ZBTB20: variants seen among roughly 807,000 people sequenced by gnomAD.
The protein encoded by ZBTB20 is zinc finger and BTB domain containing 20, also known as zinc finger and BTB domain-containing protein 20.
A neutral mutation model predicts 56.9 loss-of-function variants in ZBTB20; 9 were observed. The observed-to-expected ratio is 0.16, with a 90% CI of 0.10 to 0.28. The LOEUF (loss-of-function observed/expected upper bound fraction) is 0.28. Ranked by LOEUF, ZBTB20 falls within the 10% of genes least tolerant of loss-of-function variation. The probability of loss-of-function intolerance (pLI) is 1.00; values close to 1 mark genes in which losing one functional copy is unlikely to be tolerated. For missense variants in ZBTB20, 655 were observed against 1,003.0 expected (o/e 0.65, Z 4.69); for synonymous variants, 417 against 420.7 (o/e 0.99, Z 0.11).
intron 5 of ZBTB20, among the ~76,000 whole-genome samples, chr3:114,770,785 G>A (rs1375652738): frequency 2.0e-5 from 3 of 152,162 alleles, no homozygotes; most frequent in African/African-American, 4.8e-5. Flanking sequence ...ATATCTGGGA[G>A]CAGAAGTATT....
chr3:115,100,349 G>C (rs1466506915), intron 1 of ZBTB20: 1 of 151,924 alleles, frequency 6.6e-6, no homozygotes, highest in Non-Finnish European at 1.5e-5. Context: ...GAGAGAGAGA[G>C]AGCAAGAGAG....
chr3:114,316,526 A>G lies in ZBTB20; in HGVS notation c.*22479T>C, dbSNP rs1185841061. 1 of 533,348 alleles carries G rather than the reference A, an allele frequency of 1.9e-6. No homozygotes were observed. The highest frequency in any genetic ancestry group is 3.9e-6 in the Non-Finnish European group (1 of 259,708). 33.0% of individuals were successfully genotyped at this position (533,348 alleles called of 1,614,324 possible). A position where few individuals can be genotyped will look rare whatever the true frequency, so the allele number is the denominator to read the frequency against. Reference sequence around the variant, plus strand: ...ATATACACTATATATATGTGGATACATATAGGAAGTGTGTATACATTTATA... The same window carrying G: ...ATATACACTATATATATGTGGATACGTATAGGAAGTGTGTATACATTTATA... On this transcript the variant is annotated 3_prime_UTR_variant, in exon 12 of 12. Coordinates refer to ENST00000675478, the MANE Select transcript of ZBTB20 (RefSeq NM_001348800.3).
intron 4 of ZBTB20, among the ~76,000 whole-genome samples, chr3:114,820,459 A>C (rs1295972674): frequency 6.6e-6 from 1 of 152,090 alleles, no homozygotes; most frequent in African/African-American, 2.4e-5. Flanking sequence ...GCAAATACTT[A>C]GAATTGTTTA....
At position 114,832,280 on chromosome 3, in the gene ZBTB20, AT is replaced by A. The variant is rs753658383; in HGVS notation, c.-416-31107del. On this transcript the variant is annotated intron_variant, in intron 4 of 11. Coordinates refer to ENST00000675478, the MANE Select transcript of ZBTB20 (RefSeq NM_001348800.3). ...GGAATACCAGGTTGATACAACAGTC[AT>A]TTTTTTTCAACAGAAGTGCAGGTTG... Among the ~76,000 whole-genome samples, 333 of 151,904 alleles carry A rather than the reference AT, an allele frequency of 2.2e-3. 1 individual carries two copies. The highest frequency in any genetic ancestry group is 0.014 in the South Asian group (67 of 4,790).
intron 3 of ZBTB20, among the ~76,000 whole-genome samples, chr3:114,955,057 G>T (rs1031688658): frequency 3.3e-5 from 5 of 152,182 alleles, no homozygotes; most frequent in African/African-American, 1.2e-4. Context: ...CAAAGAGCAG[G>T]TGAATCCTGA....
chr3:114,650,927 T>G (rs2060096289), intron 6 of ZBTB20, among the ~76,000 whole-genome samples: 2 of 152,048 alleles, frequency 1.3e-5, no homozygotes, highest in Admixed American at 6.5e-5. Flanking sequence ...TTTATCATTT[T>G]GATAAAACTG....
intron 10 of ZBTB20, among the ~76,000 whole-genome samples, chr3:114,377,093 T>G (rs545693285): frequency 2.0e-5 from 3 of 152,340 alleles, no homozygotes; most frequent in African/African-American, 7.2e-5. Context: ...AAGGGAGCAC[T>G]TGGCTCAGCT....
chr3:114,630,778 A>G (rs1378489519), intron 6 of ZBTB20, among the ~76,000 whole-genome samples: 1 of 152,160 alleles, frequency 6.6e-6, no homozygotes, highest in Non-Finnish European at 1.5e-5. Context: ...AAGAATCCAG[A>G]TACATTTTTG....
chr3:114,996,063 ATAAAG>A (rs1188813047), intron 2 of ZBTB20, among the ~76,000 whole-genome samples: 1 of 151,890 alleles, frequency 6.6e-6, no homozygotes. Context: ...AGCTACAATA[ATAAAG>A]TAAATAAGAT....
chr3:115,133,149 C>G (rs1444601907), intron 1 of ZBTB20, among the ~76,000 whole-genome samples: 1 of 152,142 alleles, frequency 6.6e-6, no homozygotes, highest in Non-Finnish European at 1.5e-5. Flanking sequence ...GTGACAACAT[C>G]TGGTCAAATT....
chr3:114,807,783 C>T (rs1382386074), intron 4 of ZBTB20, among the ~76,000 whole-genome samples: 2 of 151,992 alleles, frequency 1.3e-5, no homozygotes, highest in Non-Finnish European at 2.9e-5. Context: ...TATTAATATG[C>T]TATATTGCAT....
chr3:114,708,057 T>C (rs781510580), intron 5 of ZBTB20, among the ~76,000 whole-genome samples: 1 of 149,650 alleles, frequency 6.7e-6, no homozygotes, highest in Non-Finnish European at 1.5e-5. Flanking sequence ...AGAGGTAAGG[T>C]TTTTTCTTTC....
At chr3:114,576,176 G>A (rs1330033660) in intron 6 of ZBTB20, among the ~76,000 whole-genome samples, 1 of 151,906 alleles carries the variant, frequency 6.6e-6, no homozygotes, top group Non-Finnish European at 1.5e-5. Flanking sequence ...CAGAATACTC[G>A]ACTACTCTGG....
intron 11 of ZBTB20, among the ~76,000 whole-genome samples, chr3:114,348,137 T>C (rs987651811): frequency 2.0e-5 from 3 of 152,226 alleles, no homozygotes; most frequent in African/African-American, 4.8e-5. Context: ...TATTTTATTA[T>C]GTGATCTAAC....
At chr3:114,390,395 C>A (rs2085728692) in intron 7 of ZBTB20, among the ~76,000 whole-genome samples, 1 of 152,106 alleles carries the variant, frequency 6.6e-6, no homozygotes, top group African/African-American at 2.4e-5. Context: ...CTAGTGACAC[C>A]CATTGATCTG....
At position 114,619,676 on chromosome 3, in the gene ZBTB20, C is replaced by T. The variant is rs572881615; in HGVS notation, c.-295+73852G>A. The stretch of plus-strand genomic sequence containing the variant: ...CTGAAGAAGGCTTAGTGTGCTGCAG[C>T]TTAATGAATGAAACAGCACTAAGTG... On this transcript the variant is annotated intron_variant, in intron 6 of 11. Coordinates refer to ENST00000675478, the MANE Select transcript of ZBTB20 (RefSeq NM_001348800.3). 9.3e-4 allele frequency among the ~76,000 whole-genome samples: 141 copies of T among 152,156 alleles called. 1 individual carries two copies. The highest frequency in any genetic ancestry group is 3.4e-3 in the African/African-American group (139 of 41,488).
chr3:114,917,270 C>T (rs184901009), intron 3 of ZBTB20, among the ~76,000 whole-genome samples: 147 of 152,222 alleles, frequency 9.7e-4, no homozygotes, highest in African/African-American at 3.4e-3. Context: ...ATTCTGAATT[C>T]CTTCTCTATG....
chr3:114,638,652 C>A (rs2059401113), intron 6 of ZBTB20, among the ~76,000 whole-genome samples: 1 of 151,782 alleles, frequency 6.6e-6, no homozygotes, highest in Non-Finnish European at 1.5e-5. Flanking sequence ...GAAATTCTCA[C>A]ACAGAAAGGA....
intron 3 of ZBTB20, among the ~76,000 whole-genome samples, chr3:114,967,696 C>A (rs2077700829): frequency 7.4e-6 from 1 of 134,632 alleles, no homozygotes; most frequent in Non-Finnish European, 1.7e-5. Context: ...GTGGCTCACG[C>A]CTGTAATCTC....
Sources: gnomAD v4.1 joint callset for allele counts (sites outside exome capture counted in the v4.1 genomes callset) on GRCh38, gnomAD v4.1.1 for gene constraint, MANE v1.5 for transcripts, NCBI Gene and HGNC (gene_info 2026-07-23, HGNC 2026-07-21) for gene names.